Variants in MAN1A1 observed in about 807,000 individuals in gnomAD.
The protein encoded by MAN1A1 is mannosyl-oligosaccharide 1,2-alpha-mannosidase IA.
In MAN1A1, 29 loss-of-function variants were observed where a neutral mutation model predicts 70.8. That is an observed-to-expected ratio of 0.41 (90% CI 0.31 to 0.56). The LOEUF (loss-of-function observed/expected upper bound fraction) is 0.56, where lower values mean the gene tolerates loss of function less well. Ranked by LOEUF, MAN1A1 falls within the 20% of genes least tolerant of loss-of-function variation. MAN1A1 has a pLI of 0.29. For missense variants in MAN1A1, 747 were observed against 841.3 expected (o/e 0.89, Z 1.39); for synonymous variants, 349 against 330.1 (o/e 1.06, Z -0.62).
At chr6:119,345,778 G>T (rs1210319467) in intron 2 of MAN1A1, among the ~76,000 whole-genome samples, 1 of 152,148 alleles carries the variant, frequency 6.6e-6, no homozygotes, top group East Asian at 1.9e-4. Flanking sequence ...GGTGCATTCA[G>T]GTGTGATAGA....
At chr6:119,256,191 A>C (rs1482296440) in intron 5 of MAN1A1, among the ~76,000 whole-genome samples, 1 of 152,220 alleles carries the variant, frequency 6.6e-6, no homozygotes, top group Non-Finnish European at 1.5e-5. Flanking sequence ...AATATATAAA[A>C]GCATAAAATT....
intron 2 of MAN1A1, among the ~76,000 whole-genome samples, chr6:119,309,655 A>G: frequency 6.6e-6 from 1 of 152,222 alleles, no homozygotes; most frequent in Admixed American, 6.5e-5. Context: ...TCACAAAAAA[A>G]GATAAACTGA....
At chr6:119,233,045 T>TG in intron 6 of MAN1A1, among the ~76,000 whole-genome samples, 1 of 152,214 alleles carries the variant, frequency 6.6e-6, no homozygotes, top group East Asian at 1.9e-4. Flanking sequence ...ATCACTTTCT[T>TG]GCTCACTAGA....
At chr6:119,192,418 C>A (rs900405316) in intron 9 of MAN1A1, among the ~76,000 whole-genome samples, 1 of 152,140 alleles carries the variant, frequency 6.6e-6, no homozygotes, top group Admixed American at 6.5e-5. Context: ...CTCACTAAGG[C>A]GCTTCTGGTT....
intron 6 of MAN1A1, among the ~76,000 whole-genome samples, chr6:119,229,711 T>C (rs538229102): frequency 3.3e-5 from 5 of 152,298 alleles, no homozygotes; most frequent in African/African-American, 1.2e-4. Flanking sequence ...CCCTCTGTCA[T>C]GTTTTCAACT....
intron 5 of MAN1A1, among the ~76,000 whole-genome samples, chr6:119,248,643 A>G (rs1775233792): frequency 6.6e-6 from 1 of 152,094 alleles, no homozygotes. Flanking sequence ...TCTAATTTCT[A>G]TGGTTGTAAG....
intron 6 of MAN1A1, among the ~76,000 whole-genome samples, chr6:119,247,128 T>C (rs1487603374): frequency 3.3e-5 from 5 of 152,226 alleles, no homozygotes; most frequent in East Asian, 1.9e-4. Flanking sequence ...GGTTTTATGA[T>C]TAATATTTGG....
Position 119,193,839 on chromosome 6 carries a change from C to A in MAN1A1, c.1264G>T (p.Ala422Ser), listed in dbSNP as rs770028573. ...TCTGTCTTGTCAGACATTAACCAGG[C>A]CTTCAGCAAATACTCATAGAAGCTG... The part of the protein sequence containing the change: ...GDSFYEYLLK[A>S]WLMSDKTDLE... The change falls in exon 9 of 13, where the codon GCC becomes TCC. Residue 422 changes from alanine to serine, a missense_variant. Ala to Ser is a moderately conservative substitution (Grantham distance 99). Transcript: ENST00000368468. 4.3e-6 allele frequency: 7 copies of A among 1,613,688 alleles called. No homozygotes were observed. The highest frequency in any genetic ancestry group is 5.1e-6 in the Non-Finnish European group (6 of 1,179,802).
intron 6 of MAN1A1, among the ~76,000 whole-genome samples, chr6:119,225,189 T>C (rs1198053379): frequency 6.6e-6 from 1 of 152,024 alleles, no homozygotes; most frequent in East Asian, 1.9e-4. Context: ...AAAGATTAAA[T>C]ATAAATGAAC....
rs753749957 is a variant in MAN1A1 at position 119,348,769 on chromosome 6, C to A, written c.297G>T (p.Glu99Asp). ...GPGARAEDAA[E>D]GRARRREEGA... The stretch of plus-strand genomic sequence containing the variant: ...CCTCCTCGCGGCGCCGGGCTCGCCC[C>A]TCGGCCGCGTCCTCGGCGCGCGCCC... The change falls in exon 2 of 13, where the codon GAG (glutamate) becomes GAT (aspartate). Residue 99 changes from glutamate (E) to aspartate (D), a missense_variant. Coordinates refer to ENST00000368468, the MANE Select transcript of MAN1A1 (RefSeq NM_005907.4). 1.3e-6 allele frequency: 2 copies of A among 1,481,790 alleles called. No individual in the cohort carries two copies. The highest frequency in any genetic ancestry group is 2.7e-5 in the East Asian group (1 of 36,568). 91.8% of individuals were successfully genotyped at this position (1,481,790 alleles called of 1,614,324 possible). A position where few individuals can be genotyped will look rare whatever the true frequency, so the allele number is the denominator to read the frequency against.
chr6:119,255,091 T>C (rs760267357), intron 5 of MAN1A1, among the ~76,000 whole-genome samples: 4 of 152,212 alleles, frequency 2.6e-5, no homozygotes, highest in African/African-American at 4.8e-5. Flanking sequence ...ATGGTTTTCT[T>C]TGCCTTCCTA....
At chr6:119,282,572 C>T (rs1776250376) in intron 5 of MAN1A1, among the ~76,000 whole-genome samples, 1 of 152,136 alleles carries the variant, frequency 6.6e-6, no homozygotes, top group African/African-American at 2.4e-5. Context: ...AGCAAAATTA[C>T]AATTCTCTGT....
Position 119,180,442 on chromosome 6 carries a change from AG to A in MAN1A1, c.1720-16del. The A allele has an allele frequency of 2.2e-6, 3 of 1,359,092 alleles. No individual in the cohort carries two copies. Among genetic ancestry groups the A allele is most frequent in the Admixed American group, 1.9e-5 (1 of 51,504 alleles). The allele number at this position is 1,359,092 out of a possible 1,614,324, so 84.2% of individuals were successfully genotyped here. On this transcript the variant is annotated splice_polypyrimidine_tract_variant and intron_variant, in intron 11 of 12. Transcript: ENST00000368468. The stretch of plus-strand genomic sequence containing the variant: ...TTTTCCAAGGCCTAAATTATAGAGG[AG>A]GAAAAAAAAAAGTCACATTTCAGTA...
intron 8 of MAN1A1, among the ~76,000 whole-genome samples, chr6:119,195,655 C>G (rs72956738): frequency 0.023 from 3,549 of 152,260 alleles, 79 homozygotes; most frequent in Non-Finnish European, 0.032. Flanking sequence ...TCCACCCCAG[C>G]CCCTGGAAAG....
At chr6:119,225,930 A>G (rs1386992398) in intron 6 of MAN1A1, among the ~76,000 whole-genome samples, 5 of 152,114 alleles carry the variant, frequency 3.3e-5, no homozygotes, top group Admixed American at 6.5e-5. Context: ...GTTGCAGGGA[A>G]TAGCTACAGA....
chr6:119,272,410 C>T (rs974020419), intron 5 of MAN1A1, among the ~76,000 whole-genome samples: 1 of 152,092 alleles, frequency 6.6e-6, no homozygotes, highest in African/African-American at 2.4e-5. Flanking sequence ...TCTTAAGGGC[C>T]ATTTACTGCT....
chr6:119,325,934 T>C (rs962974527), intron 2 of MAN1A1, among the ~76,000 whole-genome samples: 2 of 152,200 alleles, frequency 1.3e-5, no homozygotes, highest in African/African-American at 2.4e-5. Flanking sequence ...TTGATTTGCA[T>C]TACTCCTACC....
chr6:119,189,963 AAAGAAT>A, intron 9 of MAN1A1, 80 bp from the exon 10 acceptor site: 1 of 1,087,236 alleles, frequency 9.2e-7, no homozygotes, highest in African/African-American at 1.6e-5. Context: ...ATTAAAAAAA[AAAGAAT>A]AGAATACACC....
At chr6:119,185,865 T>TTA (rs1562181633) in intron 11 of MAN1A1, among the ~76,000 whole-genome samples, 3 of 132,340 alleles carry the variant, frequency 2.3e-5, no homozygotes, top group Non-Finnish European at 1.6e-5. Context: ...TTTTTTTTTT[T>TTA]AAATATAAAT....
Sources: gnomAD v4.1 joint callset for allele counts (sites outside exome capture counted in the v4.1 genomes callset) on GRCh38, gnomAD v4.1.1 for gene constraint, MANE v1.5 for transcripts, NCBI Gene and HGNC (gene_info 2026-07-23, HGNC 2026-07-21) for gene names.